TRIM33: variants seen among roughly 807,000 people sequenced by gnomAD.
TRIM33 encodes the protein tripartite motif containing 33.
In TRIM33, 20 loss-of-function variants were observed where a neutral mutation model predicts 125.4. The ratio of observed to expected loss-of-function variants is 0.16; its 90% CI spans 0.11 to 0.23. The LOEUF is 0.23. TRIM33 is among the 10% of genes least tolerant of loss of function. The pLI is 1.00. For missense variants in TRIM33, 920 were observed against 1,411.4 expected, an observed-to-expected ratio of 0.65 and a Z score of 5.58; for synonymous variants, 564 against 513.9, an observed-to-expected ratio of 1.10 and a Z score of -1.32.
chr1:114,397,608 T>TCTG lies in TRIM33; in HGVS notation c.*39_*40insCAG. 1 of 711,408 alleles carries TCTG rather than the reference T, an allele frequency of 1.4e-6. No individual in the cohort carries two copies. The allele number at this position is 711,408 out of a possible 1,614,324, so 44.1% of individuals were successfully genotyped here. The stretch of plus-strand genomic sequence containing the variant: ...TTTTGTGTTTTTTTTTTTTTTTTCG[T>TCTG]TTTTTTTTTTTTAAACAATTGATTT... On this transcript the variant is annotated 3_prime_UTR_variant, in exon 20 of 20. Coordinates refer to ENST00000358465, the MANE Select transcript of TRIM33 (RefSeq NM_015906.4).
intron 17 of TRIM33, among the ~76,000 whole-genome samples, chr1:114,401,161 G>C (rs112325511): frequency 0.063 from 9,581 of 151,552 alleles, 320 homozygotes; most frequent in African/African-American, 0.086. Flanking sequence ...CTCAGCCTCC[G>C]GAGTAGCTGG....
chr1:114,484,846 C>T (rs1302834667), intron 1 of TRIM33, among the ~76,000 whole-genome samples: 2 of 152,020 alleles, frequency 1.3e-5, no homozygotes, highest in African/African-American at 4.8e-5. Context: ...GCCTGGATGA[C>T]AGAGTGAGAC....
chr1:114,495,059 A>G (rs761984734), intron 1 of TRIM33, among the ~76,000 whole-genome samples: 13 of 152,040 alleles, frequency 8.6e-5, no homozygotes, highest in Non-Finnish European at 1.8e-4. Context: ...GATTACAGGC[A>G]TGTGCCACCA....
intron 1 of TRIM33, among the ~76,000 whole-genome samples, chr1:114,496,094 A>C (rs1408602734): frequency 3.3e-5 from 5 of 152,246 alleles, no homozygotes; most frequent in Admixed American, 2.6e-4. Context: ...AATACTTCAG[A>C]TTCATAAGCA....
At chr1:114,448,046 G>A (rs1274620623) in intron 4 of TRIM33, among the ~76,000 whole-genome samples, 2 of 152,120 alleles carry the variant, frequency 1.3e-5, no homozygotes, top group Non-Finnish European at 2.9e-5. Flanking sequence ...AGAAGGATTC[G>A]TGTTTCATTT....
In TRIM33 at chr1:114,397,544, G is replaced by A; in HGVS notation, c.*104C>T. ...CTTCTTCAAGGAGGTGCCCACTGTA[G>A]GCAGGATATTCCAGCAACACTTAAA... On this transcript the variant is annotated 3_prime_UTR_variant, in exon 20 of 20. Transcript: ENST00000358465. 1 of 800,658 alleles carries A rather than the reference G, an allele frequency of 1.2e-6. No homozygotes were observed. Among genetic ancestry groups the A allele is most frequent in the South Asian group, 1.7e-5 (1 of 58,318 alleles). 49.6% of individuals were successfully genotyped at this position (800,658 alleles called of 1,614,324 possible).
chr1:114,500,094 G>C (rs115368316), intron 1 of TRIM33, among the ~76,000 whole-genome samples: 252 of 152,254 alleles, frequency 1.7e-3, no homozygotes, highest in African/African-American at 5.7e-3. Context: ...TTGAACCTGG[G>C]AGTCGGACGT....
rs1647920657 is a variant in TRIM33 at position 114,431,044 on chromosome 1, T to C, written c.1041-132A>G. The C allele has an allele frequency of 4.8e-6, 3 of 627,402 alleles. No homozygotes were observed. In the East Asian group the frequency reaches 8.3e-5, roughly 17 times the overall value. 38.9% of individuals were successfully genotyped at this position (627,402 alleles called of 1,614,324 possible). On this transcript the variant is annotated intron_variant, in intron 5 of 19. Transcript: ENST00000358465. ...TGAAAACTTTGTCAAAATGTACAAC[T>C]CATGTTTCAGCAGACCTGACCAATT...
intron 1 of TRIM33, among the ~76,000 whole-genome samples, chr1:114,485,272 GCCC>G (rs1031985370): frequency 2.7e-5 from 4 of 150,100 alleles, no homozygotes; most frequent in African/African-American, 4.9e-5. Context: ...TTTAATTGAA[GCCC>G]CCATTTTTTT....
At chr1:114,435,257 T>C (rs965191928) in intron 4 of TRIM33, among the ~76,000 whole-genome samples, 3 of 152,192 alleles carry the variant, frequency 2.0e-5, no homozygotes, top group African/African-American at 7.2e-5. Flanking sequence ...GGTACAGTAC[T>C]GGTTGGTACA....
chr1:114,479,959 C>T (rs1376142545), intron 1 of TRIM33, among the ~76,000 whole-genome samples: 4 of 152,028 alleles, frequency 2.6e-5, no homozygotes, highest in East Asian at 3.9e-4. Flanking sequence ...TCTGCCCGGC[C>T]GCCACCCCGT....
At chr1:114,436,864 T>C (rs1180742430) in intron 4 of TRIM33, among the ~76,000 whole-genome samples, 14 of 152,190 alleles carry the variant, frequency 9.2e-5, no homozygotes, top group East Asian at 1.9e-4. Context: ...ATGATTTCTC[T>C]ACATCCAATA....
At chr1:114,463,588 A>T in intron 2 of TRIM33, 32 bp from the exon 3 acceptor site, 3 of 1,366,816 alleles carry the variant, frequency 2.2e-6, no homozygotes, top group Non-Finnish European at 3.0e-6. Context: ...AATCTAAATT[A>T]AATACATAAA....
At chr1:114,475,737 G>GA (rs1650940503) in intron 1 of TRIM33, among the ~76,000 whole-genome samples, 1 of 151,910 alleles carries the variant, frequency 6.6e-6, no homozygotes, top group Non-Finnish European at 1.5e-5. Context: ...GTATGACCAA[G>GA]AAAAAACAGC....
intron 1 of TRIM33, among the ~76,000 whole-genome samples, chr1:114,484,688 C>A (rs900616394): frequency 6.6e-6 from 1 of 152,116 alleles, no homozygotes; most frequent in Non-Finnish European, 1.5e-5. Flanking sequence ...CACAGTGAAA[C>A]CCTGTCTCTA....
intron 4 of TRIM33, among the ~76,000 whole-genome samples, chr1:114,435,877 CTTTTTTT>C (rs34327766): frequency 1.1e-3 from 77 of 73,332 alleles, no homozygotes; most frequent in South Asian, 4.7e-3. Context: ...TAGACACCCG[CTTTTTTT>C]TTTTTTTTTT....
At chr1:114,472,597 G>A (rs1424248537) in intron 1 of TRIM33, among the ~76,000 whole-genome samples, 1 of 152,140 alleles carries the variant, frequency 6.6e-6, no homozygotes, top group African/African-American at 2.4e-5. Context: ...AGGCATGGTG[G>A]TACCTGCCTG....
Position 114,397,195 on chromosome 1 carries a change from C to A in TRIM33, c.*453G>T, listed in dbSNP as rs1233881325. 1 of 230,934 alleles carries A rather than the reference C, an allele frequency of 4.3e-6. No individual in the cohort carries two copies. The highest frequency in any genetic ancestry group is 8.6e-6 in the Non-Finnish European group (1 of 116,316). The allele number at this position is 230,934 out of a possible 1,614,324, so 14.3% of individuals were successfully genotyped here. ...ACTTGGGTTTTTAACTAGAAAACAA[C>A]CTGATATGTATGTGTGTGAAGGGGG... On this transcript the variant is annotated 3_prime_UTR_variant, in exon 20 of 20. Transcript: ENST00000358465.
chr1:114,455,864 C>A (rs1649584545), intron 4 of TRIM33, among the ~76,000 whole-genome samples: 1 of 152,146 alleles, frequency 6.6e-6, no homozygotes, highest in African/African-American at 2.4e-5. Context: ...GCAGATTACT[C>A]AAGATGAAGA....
Sources: gnomAD v4.1 joint callset for allele counts (sites outside exome capture counted in the v4.1 genomes callset) on GRCh38, gnomAD v4.1.1 for gene constraint, MANE v1.5 for transcripts, NCBI Gene and HGNC (gene_info 2026-07-23, HGNC 2026-07-21) for gene names.